UCN3: variants seen among roughly 807,000 people sequenced by gnomAD.
UCN3 encodes urocortin-3.
Under a neutral mutation model 3.6 loss-of-function variants are expected in UCN3, and 3 were observed. The ratio of observed to expected loss-of-function variants is 0.83; its 90% confidence interval spans 0.38 to 2.15. The LOEUF (loss-of-function observed/expected upper bound fraction) is 2.15. UCN3 is among the 30% of genes most tolerant of loss of function. UCN3 has a pLI of 0.06. For synonymous variants in UCN3, 100 were observed against 93.2 expected (o/e 1.07, Z -0.42); for missense variants, 206 against 208.3 (o/e 0.99, Z 0.07).
rs1280721039 is a variant in UCN3 at position 5,365,401 on chromosome 10, C to A, written c.-7+171C>A. Among the ~76,000 whole-genome samples, 1 of 152,184 alleles carries A rather than the reference C, an allele frequency of 6.6e-6. No individual in the cohort carries two copies. The highest frequency in any genetic ancestry group is 2.4e-5 in the African/African-American group (1 of 41,438). ...CCCACCCAATCAGCAGAAATCAGCC[C>A]CAAAGGGACCAGGGGAAGTTTCTCA... On this transcript the variant is annotated intron_variant, in intron 1 of 1. Transcript: ENST00000380433. This position sits in a 1 kb window ranked among gnomAD's most constrained non-coding sequence, Gnocchi z 4.4.
rs782635507 is a variant in UCN3 at position 5,373,772 on chromosome 10, C to T, written c.52C>T (p.Pro18Ser). ...LLLLLLLLGG[P>S]RTGLPHKFYK... Reference sequence around the variant, plus strand: ...GCTCCTGCTGCTGCTCCTGGGGGGCCCCAGGACAGGCCTCCCCCACAAGTT... The same window carrying T: ...GCTCCTGCTGCTGCTCCTGGGGGGCTCCAGGACAGGCCTCCCCCACAAGTT... Residue 18 changes from proline (P) to serine (S), a missense_variant, in exon 2 of 2, where the codon CCC (proline) becomes TCC (serine). Transcript: ENST00000380433. 6.2e-6 allele frequency: 10 copies of T among 1,613,884 alleles called. No individual in the cohort carries two copies. Among genetic ancestry groups the T allele is most frequent in the South Asian group, 1.1e-5 (1 of 91,068 alleles).
rs1831412724 is a variant in UCN3 at position 5,370,920 on chromosome 10, C to CGTGTGTATATGCGTGTGTATATGT, written c.-6-2784_-6-2783insCGTGTGTATATGTGTGTGTATATG. On this transcript the variant is annotated intron_variant, in intron 1 of 1. Coordinates refer to ENST00000380433, the MANE Select transcript of UCN3 (RefSeq NM_053049.4). ...GCGTGTGTATATGCGTGTGTATATG[C>CGTGTGTATATGCGTGTGTATATGT]GTGTGTATATGTGTGTTCATGTGTA... Among the ~76,000 whole-genome samples, 8 of 109,844 alleles carry CGTGTGTATATGCGTGTGTATATGT rather than the reference C, an allele frequency of 7.3e-5. 1 individual carries two copies. Among genetic ancestry groups the CGTGTGTATATGCGTGTGTATATGT allele is most frequent in the African/African-American group, 2.6e-4 (7 of 27,242 alleles). The allele number at this position is 109,844 out of a possible 152,430, so 72.1% of individuals were successfully genotyped here. A position where few individuals can be genotyped will look rare whatever the true frequency, so the allele number is the denominator to read the frequency against.
intron 1 of UCN3, among the ~76,000 whole-genome samples, chr10:5,372,845 G>A (rs371818645): frequency 4.6e-5 from 7 of 151,228 alleles, no homozygotes; most frequent in South Asian, 2.1e-4. Flanking sequence ...GTGAGCCACC[G>A]TGCCTGGCCA....
At chr10:5,370,548 T>TGC (rs1554811248) in intron 1 of UCN3, among the ~76,000 whole-genome samples, 16 of 84,872 alleles carry the variant, frequency 1.9e-4, no homozygotes, top group East Asian at 1.2e-3. Context: ...TGCGTGTATA[T>TGC]GTGTGTATAT....
rs111171063 is a variant in UCN3, at chr10:5,370,262, C to T, written c.-6-3453C>T. On this transcript the variant is annotated intron_variant, in intron 1 of 1. Transcript: ENST00000380433. ...GCGTGTGTGTATGCGTGTGTATATG[C>T]GTGTGTATATGCGTGTGTATATGCG... Among the ~76,000 whole-genome samples the T allele has an allele frequency of 8.8e-4, 19 of 21,600 alleles. 1 individual carries two copies. The East Asian group carries it at 9.3e-3, about 11-fold the overall frequency. The allele number at this position is 21,600 out of a possible 152,430, so 14.2% of individuals were successfully genotyped here.
At position 5,373,880 on chromosome 10, in the gene UCN3, C is replaced by A; in HGVS notation, c.160C>A (p.Leu54Met). ...EKGQWEDASL[L>M]SKRSFHYLRS... The stretch of plus-strand genomic sequence containing the variant: ...GGGCCAGTGGGAGGATGCATCCCTG[C>A]TGAGCAAGAGGAGCTTCCACTACCT... The change falls in exon 2 of 2, where the codon CTG becomes ATG. Residue 54 changes from leucine (L) to methionine (M), a missense_variant. Transcript: ENST00000380433. 1 of 1,614,064 alleles carries A rather than the reference C, an allele frequency of 6.2e-7. No individual in the cohort carries two copies. The highest frequency in any genetic ancestry group is 8.5e-7 in the Non-Finnish European group (1 of 1,179,958).
intron 1 of UCN3, among the ~76,000 whole-genome samples, chr10:5,370,824 C>T (rs117281557): frequency 0.57 from 46,966 of 81,920 alleles, 12,634 homozygotes; most frequent in African/African-American, 0.66. Context: ...CGTGTGTGTG[C>T]GCGCGTGTGT....
Position 5,370,579 on chromosome 10 carries a change from ATG to A in UCN3, c.-6-3130_-6-3129del, listed in dbSNP as rs781980546. Among the ~76,000 whole-genome samples the A allele has an allele frequency of 1.0e-3, 58 of 56,338 alleles. 5 individuals carry two copies. Among genetic ancestry groups the A allele is most frequent in the African/African-American group, 3.7e-3 (49 of 13,092 alleles). 37.0% of individuals were successfully genotyped at this position (56,338 alleles called of 152,430 possible). ...TATATGTGTGTGTATATGCGTGTAT[ATG>A]TGTGTATATGTGTGTGTGTATGCGT... On this transcript the variant is annotated intron_variant, in intron 1 of 1. Transcript: ENST00000380433.
intron 1 of UCN3, among the ~76,000 whole-genome samples, chr10:5,370,070 TGTATATGC>T (rs1370787178): frequency 2.3e-5 from 3 of 130,108 alleles, no homozygotes; most frequent in Non-Finnish European, 4.9e-5. Context: ...TGTATATGTG[TGTATATGC>T]GTGTGTATAT....
At chr10:5,369,497 G>A (rs1554810990) in intron 1 of UCN3, among the ~76,000 whole-genome samples, 3 of 152,160 alleles carry the variant, frequency 2.0e-5, no homozygotes, top group Non-Finnish European at 1.5e-5. Context: ...ATTCACAGAG[G>A]TTATCGGCCC....
intron 1 of UCN3, among the ~76,000 whole-genome samples, chr10:5,368,919 G>C (rs191370310): frequency 1.3e-5 from 2 of 152,316 alleles, no homozygotes; most frequent in East Asian, 3.9e-4. Flanking sequence ...AGCACGCAGA[G>C]CAGCGGTTCT....
chr10:5,372,224 G>GCTTGAACC (rs1554811617), intron 1 of UCN3, among the ~76,000 whole-genome samples: 21 of 152,214 alleles, frequency 1.4e-4, no homozygotes, highest in African/African-American at 5.1e-4. Context: ...CTGCAGAATG[G>GCTTGAACC]TGGGTTTGAT....
intron 1 of UCN3, among the ~76,000 whole-genome samples, chr10:5,373,509 TG>T (rs1831456936): frequency 6.6e-6 from 1 of 152,198 alleles, no homozygotes; most frequent in Non-Finnish European, 1.5e-5. Context: ...CCAGAGCTTT[TG>T]ATTTACTCGT....
intron 1 of UCN3, among the ~76,000 whole-genome samples, chr10:5,370,794 CGTGTGTATATGT>C (rs1326261880): frequency 2.8e-5 from 2 of 70,762 alleles, no homozygotes; most frequent in Non-Finnish European, 2.7e-5. Context: ...TGTGTGTATG[CGTGTGTATATGT>C]GTGTGTGCGT....
chr10:5,372,454 C>T (rs1831443110), intron 1 of UCN3, among the ~76,000 whole-genome samples: 2 of 152,216 alleles, frequency 1.3e-5, no homozygotes, highest in South Asian at 4.1e-4. Flanking sequence ...CAGCAAGAGT[C>T]TATGACGCTT....
intron 1 of UCN3, among the ~76,000 whole-genome samples, chr10:5,372,716 ATTT>A (rs1156663637): frequency 6.0e-4 from 76 of 127,670 alleles, no homozygotes; most frequent in African/African-American, 2.1e-3. Context: ...CGCCCAGCTA[ATTT>A]TTTTTTTTTT....
At position 5,370,455 on chromosome 10, in the gene UCN3, GTATATGTGTGTA is replaced by G. The variant is rs1234173514; in HGVS notation, c.-6-3256_-6-3245del. Among the ~76,000 whole-genome samples, 7 of 90,908 alleles carry G rather than the reference GTATATGTGTGTA, an allele frequency of 7.7e-5. 1 individual carries two copies. Among genetic ancestry groups the G allele is most frequent in the Non-Finnish European group, 1.5e-4 (7 of 45,580 alleles). The allele number at this position is 90,908 out of a possible 152,430, so 59.6% of individuals were successfully genotyped here. A position where few individuals can be genotyped will look rare whatever the true frequency, so the allele number is the denominator to read the frequency against. On this transcript the variant is annotated intron_variant, in intron 1 of 1. Coordinates refer to ENST00000380433, the MANE Select transcript of UCN3 (RefSeq NM_053049.4). ...TGTATATGCGTGTGTATGTGTGTGT[GTATATGTGTGTA>G]TATGCGTGTGTATATGTGTGTATGT...
chr10:5,370,872 T>TGTGTATGC (rs1554811431), intron 1 of UCN3, among the ~76,000 whole-genome samples: 5 of 81,754 alleles, frequency 6.1e-5, no homozygotes, highest in African/African-American at 1.0e-4. Context: ...CGTGTGTATG[T>TGTGTATGC]GTGTGTATAT....
At chr10:5,372,709 C>T (rs1277135826) in intron 1 of UCN3, among the ~76,000 whole-genome samples, 3 of 146,770 alleles carry the variant, frequency 2.0e-5, no homozygotes, top group African/African-American at 7.5e-5. Flanking sequence ...ACCACCACGC[C>T]CAGCTAATTT....
Sources: gnomAD v4.1 joint callset for allele counts (sites outside exome capture counted in the v4.1 genomes callset) on GRCh38, gnomAD v4.1.1 for gene constraint, Gnocchi (gnomAD v3.1) non-coding constraint, MANE v1.5 for transcripts, NCBI Gene and HGNC (gene_info 2026-07-23, HGNC 2026-07-21) for gene names.